Variants in FANCC observed in about 807,000 individuals in gnomAD.
FANCC encodes FA complementation group C.
Under a neutral mutation model 71.3 loss-of-function variants are expected in FANCC, and 55 were observed. That is an observed-to-expected ratio of 0.77 (90% CI 0.62 to 0.97). The LOEUF is 0.97. Ranked by LOEUF, FANCC falls within the 50% of genes least tolerant of loss-of-function variation. FANCC has a pLI of 0.00. For synonymous variants in FANCC, 275 were observed against 244.9 expected (o/e 1.12, Z -1.15); for missense variants, 678 against 670.9 (o/e 1.01, Z -0.12).
intron 4 of FANCC, among the ~76,000 whole-genome samples, chr9:95,234,381 G>T (rs536907378): frequency 3.9e-5 from 6 of 152,314 alleles, no homozygotes; most frequent in African/African-American, 1.4e-4. Flanking sequence ...TTTTGCCTTA[G>T]AGGATAGTGG....
chr9:95,172,607 T>G (rs560992704), intron 4 of FANCC, among the ~76,000 whole-genome samples: 118 of 152,154 alleles, frequency 7.8e-4, no homozygotes, highest in African/African-American at 2.8e-3. Flanking sequence ...ATCCAGATAT[T>G]AGAATTTAAT....
intron 1 of FANCC, among the ~76,000 whole-genome samples, chr9:95,282,546 A>T (rs1442624031): frequency 6.6e-6 from 1 of 152,182 alleles, no homozygotes; most frequent in Non-Finnish European, 1.5e-5. Context: ...AAGTCAACAA[A>T]GAAACATCAG....
chr9:95,299,679 A>C (rs1834602756), intron 1 of FANCC, among the ~76,000 whole-genome samples: 2 of 152,174 alleles, frequency 1.3e-5, no homozygotes, highest in Non-Finnish European at 2.9e-5. Context: ...TGGGCAATAT[A>C]GTGAGACCTC....
At chr9:95,245,547 T>C (rs1031162210) in intron 3 of FANCC, among the ~76,000 whole-genome samples, 2 of 151,554 alleles carry the variant, frequency 1.3e-5, no homozygotes, top group African/African-American at 2.4e-5. Context: ...TATAGTGTAA[T>C]AGAAGTTATG....
intron 14 of FANCC, among the ~76,000 whole-genome samples, chr9:95,105,211 G>A (rs2071352516): frequency 1.3e-5 from 2 of 152,184 alleles, no homozygotes; most frequent in South Asian, 4.1e-4. Flanking sequence ...TGTCCTACCA[G>A]GATGGAGACA....
chr9:95,109,088 A>AT (rs1414747056), intron 13 of FANCC, among the ~76,000 whole-genome samples: 1 of 151,750 alleles, frequency 6.6e-6, no homozygotes, highest in Non-Finnish European at 1.5e-5. Flanking sequence ...TTCTTTATTT[A>AT]TTTTTTTGTA....
intron 1 of FANCC, among the ~76,000 whole-genome samples, chr9:95,314,405 G>A (rs1835607572): frequency 6.6e-6 from 1 of 152,174 alleles, no homozygotes; most frequent in Non-Finnish European, 1.5e-5. Context: ...TGTAATCCCA[G>A]CACTTTGGGA....
At chr9:95,183,101 G>C (rs1018275308) in intron 4 of FANCC, among the ~76,000 whole-genome samples, 2 of 152,024 alleles carry the variant, frequency 1.3e-5, no homozygotes, top group African/African-American at 4.8e-5. Flanking sequence ...CCCACCTCCA[G>C]ACCTTTTCCT....
chr9:95,224,786 G>A (rs1829511242), intron 4 of FANCC, among the ~76,000 whole-genome samples: 1 of 152,122 alleles, frequency 6.6e-6, no homozygotes, highest in Non-Finnish European at 1.5e-5. Flanking sequence ...GGACAAATCT[G>A]GATGGTCTGA....
At chr9:95,108,277 C>T (rs145881535) in intron 13 of FANCC, among the ~76,000 whole-genome samples, 7 of 152,332 alleles carry the variant, frequency 4.6e-5, no homozygotes, top group East Asian at 3.9e-4. Flanking sequence ...CCACGGGGAG[C>T]GGCAGCGCTC....
chr9:95,143,341 C>T (rs901918105), intron 7 of FANCC, among the ~76,000 whole-genome samples: 2 of 152,108 alleles, frequency 1.3e-5, no homozygotes, highest in South Asian at 2.1e-4. Context: ...AATGTAAGCA[C>T]GACTGATTAA....
At chr9:95,103,300 T>A (rs2071200279) in intron 14 of FANCC, among the ~76,000 whole-genome samples, 1 of 151,980 alleles carries the variant, frequency 6.6e-6, no homozygotes, top group African/African-American at 2.4e-5. Flanking sequence ...CATGCAAAAA[T>A]TCGCAGCCCT....
At chr9:95,251,998 C>T (rs1199917630) in intron 1 of FANCC, among the ~76,000 whole-genome samples, 3 of 152,056 alleles carry the variant, frequency 2.0e-5, no homozygotes, top group Admixed American at 6.6e-5. Context: ...ACTGAAGAGG[C>T]GGGGCACAGT....
At chr9:95,125,720 C>T (rs1279595052) in intron 9 of FANCC, among the ~76,000 whole-genome samples, 1 of 152,222 alleles carries the variant, frequency 6.6e-6, no homozygotes, top group Non-Finnish European at 1.5e-5. Context: ...ACTGTTCTGA[C>T]TACTGGTGAG....
chr9:95,219,953 T>C (rs1169678157), intron 4 of FANCC, among the ~76,000 whole-genome samples: 4 of 152,174 alleles, frequency 2.6e-5, no homozygotes, highest in South Asian at 4.1e-4. Flanking sequence ...GAGAAAATTT[T>C]TGCAATCTAG....
chr9:95,316,382 A>T (rs781177843), intron 1 of FANCC, among the ~76,000 whole-genome samples: 95 of 152,224 alleles, frequency 6.2e-4, no homozygotes, highest in Non-Finnish European at 1.1e-3. Context: ...GTAATGAATG[A>T]TCTCAACACA....
At chr9:95,234,395 T>C (rs1283182947) in intron 4 of FANCC, among the ~76,000 whole-genome samples, 2 of 152,356 alleles carry the variant, frequency 1.3e-5, no homozygotes, top group Non-Finnish European at 2.9e-5. Flanking sequence ...ATAGTGGCCA[T>C]TGAGATTCTC....
At chr9:95,163,277 T>C (rs923409510) in intron 6 of FANCC, among the ~76,000 whole-genome samples, 1 of 152,342 alleles carries the variant, frequency 6.6e-6, no homozygotes, top group African/African-American at 2.4e-5. Flanking sequence ...CTCTCTATTC[T>C]GTTTTAATGG....
intron 1 of FANCC, among the ~76,000 whole-genome samples, chr9:95,290,113 G>A (rs1564831607): frequency 6.6e-6 from 1 of 152,154 alleles, no homozygotes; most frequent in South Asian, 2.1e-4. Flanking sequence ...TCCTGAGTAG[G>A]CACACATGTC....
Sources: allele counts gnomAD v4.1 joint callset (sites outside exome capture counted in the v4.1 genomes callset), GRCh38; gene constraint gnomAD v4.1.1; transcripts MANE v1.5; gene names NCBI Gene and HGNC (gene_info 2026-07-23, HGNC 2026-07-21).